The following AATF variants were observed in gnomAD, a reference collection of about 807,000 sequenced individuals.
AATF encodes apoptosis antagonizing transcription factor, also known as protein AATF.
A neutral mutation model predicts 63.7 loss-of-function variants in AATF; 48 were observed. The ratio of observed to expected loss-of-function variants is 0.75; its 90% confidence interval spans 0.60 to 0.96. The LOEUF (loss-of-function observed/expected upper bound fraction) is 0.96, where lower values mean the gene tolerates loss of function less well. Ranked by LOEUF, AATF falls within the 40% of genes least tolerant of loss-of-function variation. The pLI is 0.00. For synonymous variants in AATF, 258 were observed against 247.7 expected (o/e 1.04, Z -0.39); for missense variants, 639 against 685.7 (o/e 0.93, Z 0.76).
rs151234481 is a variant in AATF at position 37,005,077 on chromosome 17, A to G, written c.1399-13928A>G. Among the ~76,000 whole-genome samples, 550 of 152,356 alleles carry G rather than the reference A, an allele frequency of 3.6e-3. 1 individual carries two copies. Among genetic ancestry groups the G allele is most frequent in the Non-Finnish European group, 5.8e-3 (395 of 68,030 alleles). ...GAACATGAAGCTATTTATAGGCTTT[A>G]TTTATCACATATATGTGGGAATATA... On this transcript the variant is annotated intron_variant, in intron 8 of 11. Coordinates refer to ENST00000619387, the MANE Select transcript of AATF (RefSeq NM_012138.4).
intron 4 of AATF, among the ~76,000 whole-genome samples, chr17:36,977,057 T>G (rs2071085123): frequency 6.6e-6 from 1 of 152,216 alleles, no homozygotes; most frequent in Non-Finnish European, 1.5e-5. Context: ...GTCAGTTTGT[T>G]GAAGATACAT....
chr17:37,009,823 C>CAAAAAAAA (rs1160362372), intron 8 of AATF, among the ~76,000 whole-genome samples: 301 of 28,772 alleles, frequency 0.01, 36 homozygotes, highest in African/African-American at 0.025. Flanking sequence ...GACTCCGTCT[C>CAAAAAAAA]AAAAAAAAAA....
intron 10 of AATF, among the ~76,000 whole-genome samples, chr17:37,028,573 T>C (rs1211270558): frequency 7.9e-5 from 12 of 152,112 alleles, no homozygotes; most frequent in African/African-American, 2.7e-4. Context: ...ATCACTCAAG[T>C]CCAGGAGTTC....
intron 8 of AATF, among the ~76,000 whole-genome samples, chr17:37,006,740 A>G (rs866754861): frequency 1.3e-5 from 2 of 152,206 alleles, no homozygotes; most frequent in African/African-American, 2.4e-5. Flanking sequence ...TTTTAACCCA[A>G]TGGCCAAGCT....
At chr17:36,994,985 T>G (rs1195284447) in intron 8 of AATF, among the ~76,000 whole-genome samples, 1 of 152,234 alleles carries the variant, frequency 6.6e-6, no homozygotes, top group Non-Finnish European at 1.5e-5. Context: ...CTGGTTTTCT[T>G]CTTTTCATAT....
chr17:36,954,330 C>T (rs2070882442), intron 4 of AATF, among the ~76,000 whole-genome samples: 1 of 152,134 alleles, frequency 6.6e-6, no homozygotes, highest in South Asian at 2.1e-4. Flanking sequence ...AATCCTCCCA[C>T]CTTTGCTTCC....
chr17:37,020,555 T>G (rs2142288323), intron 9 of AATF, among the ~76,000 whole-genome samples: 1 of 152,306 alleles, frequency 6.6e-6, no homozygotes, highest in East Asian at 1.9e-4. Context: ...AATTCATGCA[T>G]TCAAACCAAC....
At chr17:36,984,538 A>G (rs1334986571) in intron 4 of AATF, among the ~76,000 whole-genome samples, 1 of 152,212 alleles carries the variant, frequency 6.6e-6, no homozygotes. Context: ...AGTACTTTCA[A>G]CACATAAATG....
In AATF at chr17:37,029,991, G is replaced by A. The variant is rs567718418; in HGVS notation, c.1548-1623G>A. Among the ~76,000 whole-genome samples, 410 of 152,202 alleles carry A rather than the reference G, an allele frequency of 2.7e-3. 2 individuals are homozygous for A. Among genetic ancestry groups the A allele is most frequent in the African/African-American group, 9.7e-3 (401 of 41,498 alleles). On this transcript the variant is annotated intron_variant, in intron 10 of 11. Transcript: ENST00000619387. ...GCTCAGGTTATAGGCATGAGCCACT[G>A]CGCCAGGCCAACTGTATGTGTTTTC... is the stretch of plus-strand genomic sequence containing the variant.
intron 4 of AATF, among the ~76,000 whole-genome samples, chr17:36,956,243 G>T (rs1050429772): frequency 1.3e-5 from 2 of 152,186 alleles, no homozygotes; most frequent in African/African-American, 4.8e-5. Context: ...AGGAAGTTTG[G>T]TATCACATAT....
At position 36,981,446 on chromosome 17, in the gene AATF, T is replaced by C. The variant is rs115908237; in HGVS notation, c.833-5171T>C. ...GCTCTTCTTGTTCTTTTAACTTTTC[T>C]TTCTTTTTTTTTTTTGAGACAGGGT... On this transcript the variant is annotated intron_variant, in intron 4 of 11. Coordinates refer to ENST00000619387, the MANE Select transcript of AATF (RefSeq NM_012138.4). 9.0e-3 allele frequency among the ~76,000 whole-genome samples: 1,348 copies of C among 150,156 alleles called. 20 individuals are homozygous for C. The highest frequency in any genetic ancestry group is 0.032 in the African/African-American group (1,290 of 40,010).
At chr17:37,008,041 T>C (rs1373780993) in intron 8 of AATF, among the ~76,000 whole-genome samples, 1 of 152,250 alleles carries the variant, frequency 6.6e-6, no homozygotes, top group Non-Finnish European at 1.5e-5. Flanking sequence ...TTCACTCTTA[T>C]TTGTTACACA....
chr17:37,014,267 GTAATAATAA>G (rs71368437), intron 8 of AATF, among the ~76,000 whole-genome samples: 5,674 of 145,058 alleles, frequency 0.039, 372 homozygotes, highest in African/African-American at 0.14. Context: ...GACTGTCTTA[GTAATAATAA>G]TAATAATAAT....
At chr17:37,054,650 A>G (rs1179317592) in intron 11 of AATF, 2 of 152,220 alleles carry the variant, frequency 1.3e-5, no homozygotes, top group Admixed American at 6.5e-5. Context: ...GCGGACAGTA[A>G]CTGCTGCCTT....
In AATF at chr17:36,969,957, C is replaced by T. The variant is rs34014930; in HGVS notation, c.832+16050C>T. 4.4e-3 allele frequency among the ~76,000 whole-genome samples: 668 copies of T among 152,294 alleles called. 6 individuals carry two copies. Among genetic ancestry groups the T allele is most frequent in the African/African-American group, 0.015 (611 of 41,566 alleles). On this transcript the variant is annotated intron_variant, in intron 4 of 11. Coordinates refer to ENST00000619387, the MANE Select transcript of AATF (RefSeq NM_012138.4). ...GCTCAGCATAATTATTTTGAGCATC[C>T]TCCATATTTTTTCTTGTGTCAGTAG...
intron 4 of AATF, among the ~76,000 whole-genome samples, chr17:36,957,068 A>G (rs1366993926): frequency 6.6e-6 from 1 of 152,198 alleles, no homozygotes; most frequent in East Asian, 1.9e-4. Context: ...GGTGTGGAAC[A>G]TAGGCTGAAT....
At chr17:37,042,064 T>C (rs1485188104) in intron 11 of AATF, among the ~76,000 whole-genome samples, 2 of 152,162 alleles carry the variant, frequency 1.3e-5, no homozygotes, top group South Asian at 2.1e-4. Flanking sequence ...CCTGTATGAA[T>C]TCTCTATATT....
At chr17:37,047,186 A>G (rs2071700910) in intron 11 of AATF, among the ~76,000 whole-genome samples, 1 of 152,200 alleles carries the variant, frequency 6.6e-6, no homozygotes, top group Non-Finnish European at 1.5e-5. Context: ...CTGTTATAAA[A>G]CAGTCAAACT....
intron 7 of AATF, among the ~76,000 whole-genome samples, chr17:36,990,283 G>T (rs925782878): frequency 3.3e-5 from 5 of 152,068 alleles, no homozygotes; most frequent in Non-Finnish European, 5.9e-5. Context: ...GTATTCCATT[G>T]TATGGATATG....
Sources: allele counts gnomAD v4.1 joint callset (sites outside exome capture counted in the v4.1 genomes callset), GRCh38; gene constraint gnomAD v4.1.1; transcripts MANE v1.5; gene names NCBI Gene and HGNC (gene_info 2026-07-23, HGNC 2026-07-21).